ZBTB37: variants seen among roughly 807,000 people sequenced by gnomAD.
ZBTB37 encodes zinc finger and BTB domain containing 37, also known as zinc finger and BTB domain-containing protein 37.
In ZBTB37, 15 loss-of-function variants were observed where a neutral mutation model predicts 37.7. That is an observed-to-expected ratio of 0.40 (90% CI 0.27 to 0.61). ZBTB37 has a LOEUF of 0.61. ZBTB37 is among the 20% of genes least tolerant of loss of function. The pLI is 0.44. For synonymous variants in ZBTB37, 231 were observed against 220.6 expected (o/e 1.05, Z -0.42); for missense variants, 514 against 641.9 (o/e 0.80, Z 2.15).
chr1:173,869,777 G>GCCAT (rs10680422), intron 2 of ZBTB37, among the ~76,000 whole-genome samples: 13,710 of 152,140 alleles, frequency 0.09, 1,973 homozygotes, highest in African/African-American at 0.31. Flanking sequence ...GGGATATCAA[G>GCCAT]CTATGTAGAA....
At chr1:173,875,066 ACAGGTAATTTG>A (rs1655856499) in intron 4 of ZBTB37, among the ~76,000 whole-genome samples, 1 of 151,690 alleles carries the variant, frequency 6.6e-6, no homozygotes, top group Admixed American at 6.6e-5. Context: ...AAAACCACAT[ACAGGTAATTTG>A]CAGGTAATTT....
intron 4 of ZBTB37, among the ~76,000 whole-genome samples, chr1:173,875,602 C>G (rs1012142685): frequency 3.3e-5 from 5 of 151,938 alleles, no homozygotes; most frequent in African/African-American, 1.2e-4. Context: ...GCTGGGATTG[C>G]AGATGTGAGC....
intron 3 of ZBTB37, 30 bp from the exon 4 acceptor site, chr1:173,873,437 T>C (rs1655702271): frequency 6.4e-7 from 1 of 1,570,252 alleles, no homozygotes; most frequent in African/African-American, 1.4e-5. Context: ...TGCTTTTGTA[T>C]TAGTCCCCTT....
downstream of ZBTB37, chr1:173,891,586 T>C (rs1232270737): frequency 1.3e-5 from 2 of 152,196 alleles, no homozygotes; most frequent in East Asian, 1.9e-4. Context: ...AGCCTACTTA[T>C]ACTCGATGTG....
Position 173,878,681 on chromosome 1 carries a change from G to C in ZBTB37, c.1023+5115G>C, listed in dbSNP as rs567737038. ...ATTTCACATAAAGCTTTAGCTTCTAGTGGTAAACATTAAGTTACATTTGTT... is the reference window on the plus strand; with the variant it reads ...ATTTCACATAAAGCTTTAGCTTCTACTGGTAAACATTAAGTTACATTTGTT... On this transcript the variant is annotated intron_variant, in intron 4 of 4. Coordinates refer to ENST00000427304, the Ensembl canonical transcript of ZBTB37. Among the ~76,000 whole-genome samples, 12 of 152,336 alleles carry C rather than the reference G, an allele frequency of 7.9e-5. No homozygotes were observed. The South Asian group carries it at 2.5e-3, about 32-fold the overall frequency.
At chr1:173,886,426 A>G (rs1242598868) in exon 5 of ZBTB37, 4 of 350,938 alleles carry the variant, frequency 1.1e-5, no homozygotes, top group Non-Finnish European at 2.1e-5. Context: ...CGATGATGAT[A>G]AATGGTCATT....
intron 4 of ZBTB37, among the ~76,000 whole-genome samples, chr1:173,878,240 T>C (rs1656093686): frequency 6.6e-6 from 1 of 152,234 alleles, no homozygotes; most frequent in African/African-American, 2.4e-5. Flanking sequence ...AATACAATTT[T>C]TCCTAATTCT....
At chr1:173,890,869 T>A (rs1436226134), downstream of ZBTB37, 4 of 152,198 alleles carry the variant, frequency 2.6e-5, no homozygotes, top group African/African-American at 9.7e-5. Flanking sequence ...CTTGAAAATA[T>A]TTACTGTCTG....
exon 3 of ZBTB37, chr1:173,870,655 A>G (rs1655484821): frequency 1.9e-6 from 3 of 1,614,086 alleles, no homozygotes; most frequent in Middle Eastern, 1.6e-4. Context: ...AACAAGGACA[A>G]AGCATCAAGA....
intron 4 of ZBTB37, among the ~76,000 whole-genome samples, chr1:173,882,293 G>C (rs1222029648): frequency 3.7e-5 from 5 of 136,656 alleles, no homozygotes; most frequent in Admixed American, 1.5e-4. Flanking sequence ...CCAGGCTGGA[G>C]TGCAGTGGCG....
intron 3 of ZBTB37, among the ~76,000 whole-genome samples, chr1:173,871,610 C>G (rs562752920): frequency 1.3e-5 from 2 of 152,274 alleles, no homozygotes; most frequent in East Asian, 3.9e-4. Flanking sequence ...AGTATGGTAC[C>G]AGCAGTAATT....
At position 173,886,088 on chromosome 1, in the gene ZBTB37, T is replaced by C. The variant is rs1381779493; in HGVS notation, c.1476T>C (p.Ala492=). The C allele has an allele frequency of 3.9e-6, 6 of 1,551,516 alleles. No homozygotes were observed. The East Asian group carries it at 1.5e-4, about 38-fold the overall frequency. The change falls in exon 5 of 5, where the codon GCT becomes GCC. Residue 492 remains alanine, a synonymous_variant. Coordinates refer to ENST00000427304, the Ensembl canonical transcript of ZBTB37. ...AAGAGACAGTTGCTCCTGGGGAAGC[T>C]GTCCAGGGCTCTGTGTCCACCACTG...
At chr1:173,883,989 T>C (rs9425766) in intron 4 of ZBTB37, among the ~76,000 whole-genome samples, 72,017 of 152,068 alleles carry the variant, frequency 0.47, 20,105 homozygotes, top group African/African-American at 0.77. Flanking sequence ...GGTACTTTAT[T>C]CTTTGTTAAA....
chr1:173,895,455 T>A (rs1657008489), exon 4 of ZBTB37: 1 of 152,184 alleles, frequency 6.6e-6, no homozygotes, highest in African/African-American at 2.4e-5. Context: ...AGTTGTATTT[T>A]AAGTTTACAA....
exon 5 of ZBTB37, chr1:173,885,882 A>T: frequency 6.4e-7 from 1 of 1,551,884 alleles, no homozygotes; most frequent in Non-Finnish European, 8.7e-7. Context: ...CCGCAAGCAC[A>T]CAGGCAACAA....
intron 4 of ZBTB37, among the ~76,000 whole-genome samples, chr1:173,879,231 G>A (rs1284123764): frequency 6.6e-6 from 1 of 152,126 alleles, no homozygotes; most frequent in African/African-American, 2.4e-5. Flanking sequence ...ATCCAGCAGT[G>A]TCTTAAGGGT....
exon 4 of ZBTB37, chr1:173,896,720 C>A (rs1657061108): frequency 1.3e-5 from 2 of 152,310 alleles, no homozygotes; most frequent in African/African-American, 4.8e-5. Context: ...CTTTTAGTCA[C>A]ATCTTGAAGC....
chr1:173,875,680 G>T (rs1655927034), intron 4 of ZBTB37, among the ~76,000 whole-genome samples: 1 of 151,550 alleles, frequency 6.6e-6, no homozygotes, highest in South Asian at 2.1e-4. Context: ...CTGAGACAGG[G>T]TCTCACTCTG....
intron 4 of ZBTB37, among the ~76,000 whole-genome samples, chr1:173,875,335 T>G (rs572973580): frequency 2.0e-5 from 3 of 148,014 alleles, no homozygotes; most frequent in African/African-American, 7.5e-5. Flanking sequence ...TATATATTTT[T>G]TTTTTTTTTT....
Sources: allele counts gnomAD v4.1 joint callset (sites outside exome capture counted in the v4.1 genomes callset), GRCh38; gene constraint gnomAD v4.1.1; transcripts MANE v1.5; gene names NCBI Gene and HGNC (gene_info 2026-07-23, HGNC 2026-07-21).